LRIG3: variants seen among roughly 807,000 people sequenced by gnomAD.
LRIG3 encodes leucine rich repeats and immunoglobulin like domains 3, also known as leucine-rich repeats and immunoglobulin-like domains protein 3.
Under a neutral mutation model 114.5 loss-of-function variants are expected in LRIG3, and 76 were observed. The observed-to-expected ratio is 0.66, with a 90% confidence interval of 0.55 to 0.80. The LOEUF (loss-of-function observed/expected upper bound fraction) is 0.80, where lower values mean the gene tolerates loss of function less well. LRIG3 is among the 30% of genes least tolerant of loss of function. The probability of loss-of-function intolerance (pLI) is 0.00; values close to 1 mark genes in which losing one functional copy is unlikely to be tolerated. For synonymous variants in LRIG3, 512 were observed against 519.8 expected (o/e 0.98, Z 0.20); for missense variants, 1,239 against 1,382.8 (o/e 0.90, Z 1.65).
intron 18 of LRIG3, chr12:58,873,781 G>C (rs926085520): frequency 2.6e-5 from 13 of 496,922 alleles, no homozygotes; most frequent in African/African-American, 2.5e-4. Context: ...GAGCTCCTAA[G>C]TCCTCCCCAA....
At position 58,890,521 on chromosome 12, in the gene LRIG3, T is replaced by C. The variant is rs944143255; in HGVS notation, c.515+144A>G. ...AAGAATAAACTGAAGATTGTGGTCA[T>C]TCGAGCTTACAGCAAATTTCAAGTC... On this transcript the variant is annotated intron_variant, in intron 4 of 18. Coordinates refer to ENST00000320743, the MANE Select transcript of LRIG3 (RefSeq NM_153377.5). 5 of 727,482 alleles carry C rather than the reference T, an allele frequency of 6.9e-6. No individual in the cohort carries two copies. In the Admixed American group the frequency reaches 1.8e-4, roughly 27 times the overall value. The allele number at this position is 727,482 out of a possible 1,614,324, so 45.1% of individuals were successfully genotyped here.
At position 58,920,142 on chromosome 12, in the gene LRIG3, G is replaced by C; in HGVS notation, c.94C>G (p.Arg32Gly). 1 of 1,543,598 alleles carries C rather than the reference G, an allele frequency of 6.5e-7. No individual in the cohort carries two copies. The highest frequency in any genetic ancestry group is 1.2e-5 in the South Asian group (1 of 83,956). The change falls in exon 1 of 19, where the codon CGC becomes GGC. Residue 32 changes from arginine (R) to glycine (G), a missense_variant. Arg to Gly is a moderately radical substitution (Grantham distance 125, BLOSUM62 -2). Transcript: ENST00000320743. ...GRAGRSDSGGRGELGQPSGVA... is the reference protein window; with the variant it reads ...GRAGRSDSGGGGELGQPSGVA... ...CCAGAGGGCTGCCCGAGTTCCCCGC[G>C]ACCGCCGCTGTCTGACCGGCCAGCG...
chr12:58,888,859 TAA>T lies in LRIG3; in HGVS notation c.761_762del (p.Leu254HisfsTer19). On this transcript the variant is annotated frameshift_variant, in exon 6 of 19. Coordinates refer to ENST00000320743, the MANE Select transcript of LRIG3 (RefSeq NM_153377.5). LOFTEE classifies it high-confidence loss of function. Reference protein sequence around the residue: ...LKMQRNGVTKLMDGAFWGLSN... With the variant: ...LKMQRNGVTKXMDGAFWGLSN... ...CTCAGCCCCCAAAAAGCTCCATCCA[TAA>T]GTTTCGTTACTCCATTTCTTTGCAT... 6.2e-7 allele frequency: 1 copy of T among 1,613,854 alleles called. No individual in the cohort carries two copies. The highest frequency in any genetic ancestry group is 8.5e-7 in the Non-Finnish European group (1 of 1,179,846).
chr12:58,886,918 G>T, intron 8 of LRIG3, 28 bp from the exon 9 acceptor site: 1 of 1,586,410 alleles, frequency 6.3e-7, no homozygotes, highest in Non-Finnish European at 8.6e-7. Context: ...ATTCCCTTTA[G>T]AGTGATAAGC....
chr12:58,915,741 C>T (rs934140140), intron 1 of LRIG3, among the ~76,000 whole-genome samples: 1 of 147,896 alleles, frequency 6.8e-6, no homozygotes, highest in Non-Finnish European at 1.5e-5. Flanking sequence ...TGGAGCCAGA[C>T]ACTTTCCCTT....
Position 58,878,971 on chromosome 12 carries a change from C to T in LRIG3, c.1936G>A (p.Ala646Thr). The T allele has an allele frequency of 6.2e-7, 1 of 1,614,200 alleles. No homozygotes were observed. Among genetic ancestry groups the T allele is most frequent in the East Asian group, 2.2e-5 (1 of 44,874 alleles). The change falls in exon 14 of 19, where the codon GCT becomes ACT. Residue 646 changes from alanine (A) to threonine (T), a missense_variant. Coordinates refer to ENST00000320743, the MANE Select transcript of LRIG3 (RefSeq NM_153377.5). ...WQKDGGTDFP[A>T]ARERRMHVMP... The stretch of plus-strand genomic sequence containing the variant: ...ACATGCATGCGTCTCTCCCGTGCAG[C>T]TGGGAAGTCTGTGCCCCCATCCTTC...
intron 1 of LRIG3, among the ~76,000 whole-genome samples, chr12:58,916,714 C>T (rs926762249): frequency 8.5e-5 from 13 of 152,176 alleles, no homozygotes; most frequent in Non-Finnish European, 1.6e-4. Flanking sequence ...TAGTAAGGTA[C>T]GGAAGTGTTA....
Position 58,872,947 on chromosome 12 carries a change from C to T in LRIG3, c.3116-131G>A, listed in dbSNP as rs376406068. 4.8e-5 allele frequency: 58 copies of T among 1,200,052 alleles called. No homozygotes were observed. The African/African-American group carries it at 7.6e-4, about 16-fold the overall frequency. The allele number at this position is 1,200,052 out of a possible 1,614,324, so 74.3% of individuals were successfully genotyped here. A position where few individuals can be genotyped will look rare whatever the true frequency, so the allele number is the denominator to read the frequency against. ...TGTTTTCTACAAGTCCACATTATGG[C>T]ACTCACATACATGTACATCTGTCTT... is the stretch of plus-strand genomic sequence containing the variant. On this transcript the variant is annotated intron_variant, in intron 18 of 18. Transcript: ENST00000320743.
At chr12:58,891,328 C>T (rs1266989375) in intron 3 of LRIG3, among the ~76,000 whole-genome samples, 1 of 151,872 alleles carries the variant, frequency 6.6e-6, no homozygotes, top group Middle Eastern at 3.2e-3. Context: ...AGGCTGGTCT[C>T]AACTCCTGGC....
intron 3 of LRIG3, among the ~76,000 whole-genome samples, chr12:58,905,700 G>C (rs1872037114): frequency 6.6e-6 from 1 of 152,124 alleles, no homozygotes; most frequent in Admixed American, 6.5e-5. Context: ...GAGCTATCAT[G>C]GGAGTGAGAC....
At chr12:58,919,332 AC>A in intron 1 of LRIG3, 1 of 1,517,606 alleles carries the variant, frequency 6.6e-7, no homozygotes. Context: ...CTGAGGAGCT[AC>A]AGAAATCACG....
chr12:58,902,919 A>G (rs1375151566), intron 3 of LRIG3, among the ~76,000 whole-genome samples: 1 of 152,110 alleles, frequency 6.6e-6, no homozygotes, highest in Non-Finnish European at 1.5e-5. Context: ...TTATGGCTGC[A>G]TAGTATTCCA....
chr12:58,878,151 T>A (rs1870993065), intron 14 of LRIG3, among the ~76,000 whole-genome samples: 1 of 152,024 alleles, frequency 6.6e-6, no homozygotes, highest in Admixed American at 6.6e-5. Flanking sequence ...AAAAGCTTTT[T>A]AAAAATAGAA....
rs1006447075 is a variant in LRIG3, at chr12:58,920,159, C to G, written c.77G>C (p.Arg26Pro). The change falls in exon 1 of 19, where the codon CGG becomes CCG. Residue 26 changes from arginine to proline, a missense_variant. Arg to Pro is a moderately radical substitution (Grantham distance 103, BLOSUM62 -2). Transcript: ENST00000320743. ...LLCAVLGRAG[R>P]SDSGGRGELG... ...TTCCCCGCGACCGCCGCTGTCTGAC[C>G]GGCCAGCGCGCCCCAGCACCGCGCA... 2 of 1,540,664 alleles carry G rather than the reference C, an allele frequency of 1.3e-6. No individual in the cohort carries two copies. Among genetic ancestry groups the G allele is most frequent in the Non-Finnish European group, 1.7e-6 (2 of 1,145,996 alleles).
intron 3 of LRIG3, among the ~76,000 whole-genome samples, chr12:58,904,513 C>T (rs1237540507): frequency 2.0e-5 from 3 of 152,056 alleles, no homozygotes; most frequent in Non-Finnish European, 2.9e-5. Context: ...GGATAAGTAT[C>T]GGTAATACAA....
At position 58,890,665 on chromosome 12, in the gene LRIG3, A is replaced by G; in HGVS notation, c.515T>C (p.Leu172Pro). 6.4e-7 allele frequency: 1 copy of G among 1,565,806 alleles called. No individual in the cohort carries two copies. The highest frequency in any genetic ancestry group is 8.6e-7 in the Non-Finnish European group (1 of 1,160,110). ...TAFPALQLKYLYLNSNRVTSM... is the reference protein window; with the variant it reads ...TAFPALQLKYPYLNSNRVTSM... ...TTTTGCTAAAGAAAACTTCACTTAC[A>G]GATATTTGAGCTGTAGGGCTGGAAA... is the stretch of plus-strand genomic sequence containing the variant. The change falls in exon 4 of 19, where the codon CTG (leucine) becomes CCG (proline). Residue 172 changes from leucine to proline, a missense_variant and splice_region_variant. Leu to Pro is a moderately conservative substitution (Grantham distance 98). Coordinates refer to ENST00000320743, the MANE Select transcript of LRIG3 (RefSeq NM_153377.5).
At chr12:58,904,258 A>C (rs969561859) in intron 3 of LRIG3, among the ~76,000 whole-genome samples, 17 of 152,194 alleles carry the variant, frequency 1.1e-4, no homozygotes, top group Non-Finnish European at 2.4e-4. Flanking sequence ...GAGAAACCAA[A>C]ATAAGGAAGA....
Position 58,877,710 on chromosome 12 carries a change from C to T in LRIG3, c.2226G>A (p.Arg742=), listed in dbSNP as rs148257421. The part of the protein sequence containing the change: ...KDDSPLVVTE[R]HFFAAGNQLL... ...GCTGATTGCCTGCTGCAAAAAAGTG[C>T]CTCTCGGTTACCACCAATGGGCTAT... The change falls in exon 15 of 19, where the codon AGG becomes AGA. Residue 742 remains arginine, a synonymous_variant. Coordinates refer to ENST00000320743, the MANE Select transcript of LRIG3 (RefSeq NM_153377.5). The T allele has an allele frequency of 8.7e-6, 14 of 1,614,052 alleles. No homozygotes were observed. The African/African-American group carries it at 1.9e-4, about 22-fold the overall frequency.
intron 3 of LRIG3, among the ~76,000 whole-genome samples, chr12:58,901,122 G>A (rs1456221158): frequency 1.3e-5 from 2 of 152,186 alleles, no homozygotes; most frequent in Non-Finnish European, 2.9e-5. Context: ...ATTGAGCTGG[G>A]ATAAGGCAGT....
Sources: gnomAD v4.1 joint callset for allele counts (sites outside exome capture counted in the v4.1 genomes callset) on GRCh38, gnomAD v4.1.1 for gene constraint, MANE v1.5 for transcripts, NCBI Gene and HGNC (gene_info 2026-07-23, HGNC 2026-07-21) for gene names.